MYO16: variants seen among roughly 807,000 people sequenced by gnomAD.
The protein encoded by MYO16 is myosin XVI.
Under a neutral mutation model 205.3 loss-of-function variants are expected in MYO16, and 94 were observed. The observed-to-expected ratio is 0.46, with a 90% CI of 0.39 to 0.54. The LOEUF (loss-of-function observed/expected upper bound fraction) is 0.54. Among genes scored for constraint, MYO16 ranks in the 20% least tolerant of loss-of-function variants. The probability of loss-of-function intolerance (pLI) is 0.00; values close to 1 mark genes in which losing one functional copy is unlikely to be tolerated. For missense variants in MYO16, 2,315 were observed against 2,387.5 expected (o/e 0.97, Z 0.63); for synonymous variants, 988 against 954.0 (o/e 1.04, Z -0.66).
chr13:108,853,969 T>G (rs1201459141), intron 10 of MYO16, among the ~76,000 whole-genome samples: 1 of 151,104 alleles, frequency 6.6e-6, no homozygotes, highest in African/African-American at 2.4e-5. Context: ...TGTGTGTGTG[T>G]GTGTGTGTGT....
intron 27 of MYO16, among the ~76,000 whole-genome samples, chr13:109,079,007 G>A (rs1888201276): frequency 1.3e-5 from 2 of 151,954 alleles, no homozygotes; most frequent in Admixed American, 6.6e-5. Flanking sequence ...AAAATCTCCA[G>A]AAATTCCTAT....
At chr13:108,557,470 G>A in the MYO16 span, among the ~76,000 whole-genome samples, 1 of 152,096 alleles carries the variant, frequency 6.6e-6, no homozygotes. Flanking sequence ...TGAAAAAACA[G>A]TATAACATAT....
At position 109,027,905 on chromosome 13, in the gene MYO16, A is replaced by G. The variant is rs143456323; in HGVS notation, c.2796+7994A>G. 4.6e-3 allele frequency among the ~76,000 whole-genome samples: 703 copies of G among 152,288 alleles called. 3 individuals are homozygous for G. The highest frequency in any genetic ancestry group is 0.016 in the African/African-American group (672 of 41,582). ...AGGAGTTATCGAGTCAACTTTTGCCATATATTCAGAGGAGAATATTGGTGG... is the reference window on the plus strand; with the variant it reads ...AGGAGTTATCGAGTCAACTTTTGCCGTATATTCAGAGGAGAATATTGGTGG... On this transcript the variant is annotated intron_variant, in intron 23 of 34. Coordinates refer to ENST00000457511, the MANE Select transcript of MYO16 (RefSeq NM_001198950.3).
chr13:109,091,300 G>A (rs970499651), intron 27 of MYO16, among the ~76,000 whole-genome samples: 1 of 152,120 alleles, frequency 6.6e-6, no homozygotes, highest in Non-Finnish European at 1.5e-5. Flanking sequence ...GTGGAAAATG[G>A]AAATATACAA....
In MYO16 at chr13:108,785,649, C is replaced by T. The variant is rs759759796; in HGVS notation, c.522C>T (p.Val174=). The T allele has an allele frequency of 6.2e-7, 1 of 1,609,708 alleles. No homozygotes were observed. Among genetic ancestry groups the T allele is most frequent in the South Asian group, 1.1e-5 (1 of 90,292 alleles). The part of the protein sequence containing the change: ...VLLLVLAGAN[V]LLQDVNGNIP... ...TTTTTATCTAGGCTGGAGCCAATGT[C>T]CTTCTCCAGGATGTGAATGGAAATA... is the stretch of plus-strand genomic sequence containing the variant. Residue 174 remains valine (V), a synonymous_variant, in exon 5 of 35, where the codon GTC becomes GTT. Coordinates refer to ENST00000457511, the MANE Select transcript of MYO16 (RefSeq NM_001198950.3).
chr13:109,011,507 T>TC (rs1566459678), intron 22 of MYO16, among the ~76,000 whole-genome samples: 3 of 150,756 alleles, frequency 2.0e-5, no homozygotes, highest in African/African-American at 7.3e-5. Flanking sequence ...TCTTTTTTTT[T>TC]TTTGTTGTTA....
chr13:108,680,336 T>C (rs1882410065), intron 2 of MYO16, among the ~76,000 whole-genome samples: 1 of 152,236 alleles, frequency 6.6e-6, no homozygotes, highest in Non-Finnish European at 1.5e-5. Context: ...TAACATAAGA[T>C]GTCAATTTCT....
chr13:109,158,968 A>G (rs1878223030), intron 32 of MYO16, among the ~76,000 whole-genome samples: 1 of 152,182 alleles, frequency 6.6e-6, no homozygotes, highest in Non-Finnish European at 1.5e-5. Flanking sequence ...CCAGGATTCC[A>G]GAGTCACACT....
chr13:109,167,524 A>C (rs1472584485), intron 33 of MYO16, among the ~76,000 whole-genome samples: 1 of 152,186 alleles, frequency 6.6e-6, no homozygotes, highest in East Asian at 1.9e-4. Context: ...ATGTGGTGTT[A>C]TAGACAACCT....
intron 9 of MYO16, among the ~76,000 whole-genome samples, chr13:108,824,521 T>C (rs1427094197): frequency 6.6e-6 from 1 of 152,102 alleles, no homozygotes; most frequent in Non-Finnish European, 1.5e-5. Context: ...TTAGTTTGAA[T>C]GGTTAAAGAT....
intron 23 of MYO16, among the ~76,000 whole-genome samples, chr13:109,034,491 T>A (rs1393242446): frequency 1.3e-5 from 2 of 152,326 alleles, no homozygotes; most frequent in East Asian, 1.9e-4. Context: ...CCTGTTTGCC[T>A]TCCGCCATGA....
chr13:108,763,787 T>G (rs918141365), intron 4 of MYO16, among the ~76,000 whole-genome samples: 1 of 142,536 alleles, frequency 7.0e-6, no homozygotes, highest in African/African-American at 2.6e-5. Flanking sequence ...AGAAAAGGAG[T>G]TGTGTGTGTG....
At chr13:108,936,743 A>C (rs550569175) in intron 16 of MYO16, among the ~76,000 whole-genome samples, 2 of 152,254 alleles carry the variant, frequency 1.3e-5, no homozygotes, top group African/African-American at 4.8e-5. Context: ...TGGATCTCTT[A>C]AAGACAGTAG....
chr13:108,552,584 T>C, the MYO16 span, among the ~76,000 whole-genome samples: 1 of 152,178 alleles, frequency 6.6e-6, no homozygotes, highest in Admixed American at 6.5e-5. Flanking sequence ...CCAACCTGTT[T>C]GTGTATCTTG....
chr13:108,560,631 A>G, the MYO16 span, among the ~76,000 whole-genome samples: 1 of 152,154 alleles, frequency 6.6e-6, no homozygotes, highest in East Asian at 1.9e-4. Context: ...CTTTACATTA[A>G]TATTTTCAGT....
chr13:108,534,529 C>A, the MYO16 span, among the ~76,000 whole-genome samples: 12 of 151,914 alleles, frequency 7.9e-5, no homozygotes, highest in African/African-American at 2.9e-4. Context: ...AGATACTAAA[C>A]CTTTTACGAA....
chr13:108,516,050 C>T, the MYO16 span, among the ~76,000 whole-genome samples: 8 of 144,550 alleles, frequency 5.5e-5, no homozygotes, highest in Non-Finnish European at 1.1e-4. Flanking sequence ...CAAGCCTGGG[C>T]AATGGCGGGC....
chr13:109,097,632 C>T (rs528928021), intron 27 of MYO16, among the ~76,000 whole-genome samples: 180 of 152,358 alleles, frequency 1.2e-3, no homozygotes, highest in African/African-American at 4.1e-3. Flanking sequence ...GAATACTTCA[C>T]CCATCAACAA....
intron 28 of MYO16, among the ~76,000 whole-genome samples, chr13:109,114,028 A>G (rs184672172): frequency 1.3e-5 from 2 of 152,302 alleles, no homozygotes; most frequent in Non-Finnish European, 2.9e-5. Flanking sequence ...GAAGATGATG[A>G]AAAGTAAGAG....
Sources: gnomAD v4.1 joint callset for allele counts (sites outside exome capture counted in the v4.1 genomes callset) on GRCh38, gnomAD v4.1.1 for gene constraint, MANE v1.5 for transcripts, NCBI Gene and HGNC (gene_info 2026-07-23, HGNC 2026-07-21) for gene names.